Variants in RNF138 observed in about 807,000 individuals in gnomAD.
RNF138 encodes E3 ubiquitin-protein ligase RNF138.
Under a neutral mutation model 31.0 loss-of-function variants are expected in RNF138, and 12 were observed. That is an observed-to-expected ratio of 0.39 (90% CI 0.25 to 0.63). The LOEUF (loss-of-function observed/expected upper bound fraction) is 0.63, where lower values mean the gene tolerates loss of function less well. RNF138 is among the 20% of genes least tolerant of loss of function. RNF138 has a pLI of 0.52. For synonymous variants in RNF138, 105 were observed against 99.5 expected (o/e 1.06, Z -0.33); for missense variants, 192 against 300.1 (o/e 0.64, Z 2.66).
intron 2 of RNF138, among the ~76,000 whole-genome samples, chr18:32,107,319 C>T (rs1359950977): frequency 2.2e-5 from 3 of 136,646 alleles, no homozygotes; most frequent in Non-Finnish European, 4.7e-5. Flanking sequence ...AGACGGCATT[C>T]CACTGTGTTG....
At chr18:32,124,629 A>C in intron 5 of RNF138, 105 bp from the exon 6 acceptor site, 1 of 653,808 alleles carries the variant, frequency 1.5e-6, no homozygotes, top group Non-Finnish European at 2.7e-6. Flanking sequence ...TAGTCTAATA[A>C]TTATAACTTT....
Position 32,131,423 on chromosome 18 carries a change from AT to A in RNF138, c.*2238del, listed in dbSNP as rs1159600504. The A allele has an allele frequency of 6.6e-6, 1 of 152,168 alleles. No individual in the cohort carries two copies. Among genetic ancestry groups the A allele is most frequent in the East Asian group, 1.9e-4 (1 of 5,200 alleles). 9.4% of individuals were successfully genotyped at this position (152,168 alleles called of 1,614,324 possible). Reference sequence around the variant, plus strand: ...AGCTGAGTCAGAATTAAAGGAGGGAATTGTATTGATACTCCAATACCTAAAT... The same window carrying A: ...AGCTGAGTCAGAATTAAAGGAGGGAATGTATTGATACTCCAATACCTAAAT... On this transcript the variant is annotated 3_prime_UTR_variant, in exon 8 of 8. Transcript: ENST00000261593.
At chr18:32,112,282 T>C (rs1338240764) in intron 3 of RNF138, among the ~76,000 whole-genome samples, 1 of 152,222 alleles carries the variant, frequency 6.6e-6, no homozygotes, top group Non-Finnish European at 1.5e-5. Flanking sequence ...GGTAGCATCA[T>C]TATTGCAGCT....
intron 2 of RNF138, among the ~76,000 whole-genome samples, chr18:32,110,182 A>G (rs2040103028): frequency 1.3e-5 from 2 of 152,150 alleles, no homozygotes; most frequent in South Asian, 2.1e-4. Flanking sequence ...TTGTAGAGAC[A>G]GGGTCTTGCT....
At chr18:32,098,143 C>T (rs942606225) in intron 2 of RNF138, among the ~76,000 whole-genome samples, 12 of 151,808 alleles carry the variant, frequency 7.9e-5, no homozygotes, top group African/African-American at 2.4e-4. Flanking sequence ...TGCACCATCA[C>T]GCCCTGCTAA....
intron 4 of RNF138, among the ~76,000 whole-genome samples, chr18:32,116,908 A>G (rs981557484): frequency 6.7e-6 from 1 of 150,238 alleles, no homozygotes; most frequent in Non-Finnish European, 1.5e-5. Context: ...TTTATTTTTA[A>G]TTTATTTATT....
In RNF138 at chr18:32,101,144, G is replaced by A. The variant is rs534381892; in HGVS notation, c.110+8258G>A. ...CATTCTGGACAAAGGTCCCGAGGTA[G>A]GAGGGAACATGCAGGGCTTTGTATT... is the stretch of plus-strand genomic sequence containing the variant. On this transcript the variant is annotated intron_variant, in intron 2 of 7. Transcript: ENST00000261593. Among the ~76,000 whole-genome samples, 5 of 152,132 alleles carry A rather than the reference G, an allele frequency of 3.3e-5. No individual in the cohort carries two copies. In the South Asian group the frequency reaches 1.0e-3, roughly 32 times the overall value.
chr18:32,126,084 A>C (rs2040379027), intron 6 of RNF138, among the ~76,000 whole-genome samples: 1 of 152,094 alleles, frequency 6.6e-6, no homozygotes, highest in South Asian at 2.1e-4. Context: ...TCAGTTTTTA[A>C]GATGTACTTC....
At chr18:32,124,630 T>A (rs2040356655) in intron 5 of RNF138, 104 bp from the exon 6 acceptor site, 1 of 654,722 alleles carries the variant, frequency 1.5e-6, no homozygotes. Context: ...AGTCTAATAA[T>A]TATAACTTTT....
chr18:32,111,330 C>T (rs2040125832), intron 2 of RNF138, among the ~76,000 whole-genome samples: 1 of 152,170 alleles, frequency 6.6e-6, no homozygotes, highest in Admixed American at 6.5e-5. Context: ...GAGACAAAAG[C>T]TTATGTTACT....
intron 2 of RNF138, among the ~76,000 whole-genome samples, chr18:32,102,198 T>TGTTTC (rs1284817623): frequency 7.9e-6 from 1 of 126,232 alleles, no homozygotes. Context: ...TTAGTTTCTT[T>TGTTTC]TTTTTTTTTT....
intron 4 of RNF138, among the ~76,000 whole-genome samples, chr18:32,115,747 A>ACACACACACACG (rs1015324133): frequency 1.3e-5 from 2 of 151,958 alleles, no homozygotes; most frequent in Non-Finnish European, 2.9e-5. Flanking sequence ...TCCGTCTAAA[A>ACACACACACACG]CACACACACA....
chr18:32,094,866 A>G (rs2039777144), intron 2 of RNF138, among the ~76,000 whole-genome samples: 1 of 152,128 alleles, frequency 6.6e-6, no homozygotes, highest in East Asian at 1.9e-4. Flanking sequence ...GCCTCATTGT[A>G]GTTTTTAGCA....
Position 32,124,691 on chromosome 18 carries a change from G to GT in RNF138, c.450-41dup, listed in dbSNP as rs1327515271. The GT allele has an allele frequency of 6.2e-6, 6 of 964,304 alleles. No homozygotes were observed. In the African/African-American group the frequency reaches 6.5e-5, roughly 10 times the overall value. The allele number at this position is 964,304 out of a possible 1,614,324, so 59.7% of individuals were successfully genotyped here. A position where few individuals can be genotyped will look rare whatever the true frequency, so the allele number is the denominator to read the frequency against. On this transcript the variant is annotated intron_variant, in intron 5 of 7. Transcript: ENST00000261593. ...AAAAATAGGAGAGCGTTATTTTTGT[G>GT]TTATTCTGAATTAAGTATGTTTCAC...
intron 3 of RNF138, among the ~76,000 whole-genome samples, chr18:32,112,857 C>T (rs988276201): frequency 1.3e-5 from 2 of 152,136 alleles, no homozygotes; most frequent in African/African-American, 4.8e-5. Context: ...ATCCATGTGT[C>T]TATAGATTTA....
Position 32,123,530 on chromosome 18 carries a change from A to G in RNF138, c.405A>G (p.Glu135=), listed in dbSNP as rs767432821. The change falls in exon 5 of 8, where the codon GAA becomes GAG. Residue 135 remains glutamate, a synonymous_variant. Coordinates refer to ENST00000261593, the MANE Select transcript of RNF138 (RefSeq NM_016271.5). ...QDSVGNSNRS[E]TSTSDNTETY... ...TGTGCTTCTTAAGCAATAGGAGTGA[A>G]ACATCCACATCTGATAACACAGAAA... 3.8e-6 allele frequency: 6 copies of G among 1,588,340 alleles called. No individual in the cohort carries two copies. In the African/African-American group the frequency reaches 8.2e-5, roughly 22 times the overall value.
At position 32,091,879 on chromosome 18, in the gene RNF138, G is replaced by T. The variant is rs1033844574; in HGVS notation, c.-434G>T. ...CGTCACAACCCGCGGAAGGCGCCGT[G>T]CGCCGGTTGCTATACAGGCCGCACT... On this transcript the variant is annotated 5_prime_UTR_variant, in exon 1 of 8. Coordinates refer to ENST00000261593, the MANE Select transcript of RNF138 (RefSeq NM_016271.5). The T allele has an allele frequency of 2.0e-5, 3 of 152,068 alleles. No individual in the cohort carries two copies. The allele number at this position is 152,068 out of a possible 1,614,324, so 9.4% of individuals were successfully genotyped here. A position where few individuals can be genotyped will look rare whatever the true frequency, so the allele number is the denominator to read the frequency against.
At chr18:32,110,904 C>A in intron 2 of RNF138, among the ~76,000 whole-genome samples, 1 of 151,982 alleles carries the variant, frequency 6.6e-6, no homozygotes, top group East Asian at 1.9e-4. Context: ...CCTCAGCCTC[C>A]CGGGTAGCTG....
At chr18:32,128,005 G>A (rs1046112354) in intron 7 of RNF138, among the ~76,000 whole-genome samples, 3 of 152,308 alleles carry the variant, frequency 2.0e-5, no homozygotes, top group African/African-American at 4.8e-5. Flanking sequence ...GGATGAACCC[G>A]GGAGGCAGAG....
Sources: gnomAD v4.1 joint callset for allele counts (sites outside exome capture counted in the v4.1 genomes callset) on GRCh38, gnomAD v4.1.1 for gene constraint, MANE v1.5 for transcripts, NCBI Gene and HGNC (gene_info 2026-07-23, HGNC 2026-07-21) for gene names.